The following IL1RAPL2 variants were observed in gnomAD, a reference collection of about 807,000 sequenced individuals.
The protein encoded by IL1RAPL2 is interleukin 1 receptor accessory protein like 2, also known as X-linked interleukin-1 receptor accessory protein-like 2.
In IL1RAPL2, 3 loss-of-function variants were observed where a neutral mutation model predicts 44.1. The ratio of observed to expected loss-of-function variants is 0.07; its 90% confidence interval spans 0.03 to 0.18. IL1RAPL2 has a LOEUF of 0.18. IL1RAPL2 is among the 10% of genes least tolerant of loss of function. The probability of loss-of-function intolerance (pLI) is 1.00; values close to 1 mark genes in which losing one functional copy is unlikely to be tolerated. For missense variants in IL1RAPL2, 391 were observed against 496.4 expected, an observed-to-expected ratio of 0.79 and a Z score of 2.02; for synonymous variants, 181 against 178.8, an observed-to-expected ratio of 1.01 and a Z score of -0.10.
chrX:104,980,686 G>T (rs2030419833), intron 2 of IL1RAPL2, among the ~76,000 whole-genome samples: 1 of 112,200 alleles, frequency 8.9e-6, no homozygotes, highest in African/African-American at 3.2e-5. Context: ...TTTTGTACCA[G>T]TAACATGCTG....
At chrX:105,280,594 C>T (rs1357245323) in intron 5 of IL1RAPL2, among the ~76,000 whole-genome samples, 1 of 109,485 alleles carries the variant, frequency 9.1e-6, no homozygotes, top group Non-Finnish European at 1.9e-5. Flanking sequence ...AAAAAAAAAA[C>T]GCATCAAAAA....
chrX:104,932,832 C>T (rs5963003), intron 2 of IL1RAPL2, among the ~76,000 whole-genome samples: 6,303 of 111,752 alleles, frequency 0.056, 443 homozygotes, highest in African/African-American at 0.2. Context: ...CTTAACATAC[C>T]GATGTTAGTA....
chrX:104,755,392 C>CA (rs1164761286), intron 2 of IL1RAPL2, among the ~76,000 whole-genome samples: 37 of 107,753 alleles, frequency 3.4e-4, no homozygotes, highest in African/African-American at 8.4e-4. Flanking sequence ...ATCATAAAAA[C>CA]AAAAAAAAAT....
intron 2 of IL1RAPL2, among the ~76,000 whole-genome samples, chrX:104,905,601 A>G (rs1923965453): frequency 9.0e-6 from 1 of 111,705 alleles, no homozygotes; most frequent in Admixed American, 9.5e-5. Context: ...TTTGTCAAAG[A>G]TCAGATAGTT....
chrX:105,526,767 AC>A (rs1345709286), intron 6 of IL1RAPL2, among the ~76,000 whole-genome samples: 135 of 111,804 alleles, frequency 1.2e-3, no homozygotes, highest in African/African-American at 4.3e-3. Flanking sequence ...GTGCGATTAG[AC>A]ATCTTGGCTG....
In IL1RAPL2 at chrX:105,428,753, T is replaced by G. The variant is rs182927854; in HGVS notation, c.698-55560T>G. Among the ~76,000 whole-genome samples the G allele has an allele frequency of 7.2e-5, 8 of 111,801 alleles. No homozygotes were observed. The Admixed American group carries it at 7.6e-4, about 11-fold the overall frequency. ...TATAATGTCCCTCCTATAGAACTAATCATTCATGCTGCTTAGCCCTCATTT... is the reference window on the plus strand; with the variant it reads ...TATAATGTCCCTCCTATAGAACTAAGCATTCATGCTGCTTAGCCCTCATTT... On this transcript the variant is annotated intron_variant, in intron 5 of 10. Transcript: ENST00000372582.
At chrX:104,754,726 G>T (rs1160285537) in intron 2 of IL1RAPL2, among the ~76,000 whole-genome samples, 1 of 111,990 alleles carries the variant, frequency 8.9e-6, no homozygotes, top group African/African-American at 3.2e-5. Flanking sequence ...AAACAGTTTA[G>T]CACTTATAAT....
At chrX:105,267,336 T>C (rs1432627432) in intron 4 of IL1RAPL2, 52 bp from the exon 5 acceptor site, 2 of 1,063,216 alleles carry the variant, frequency 1.9e-6, no homozygotes, top group Non-Finnish European at 2.6e-6. Flanking sequence ...GGTACTGAGA[T>C]GTAGTCTGTG....
chrX:105,443,668 C>T (rs181974265), intron 5 of IL1RAPL2, among the ~76,000 whole-genome samples: 1 of 112,115 alleles, frequency 8.9e-6, no homozygotes, highest in East Asian at 2.8e-4. Flanking sequence ...CATGTTTTTG[C>T]GAATGACAGT....
At chrX:105,012,652 C>CAG (rs1228166848) in intron 2 of IL1RAPL2, among the ~76,000 whole-genome samples, 19 of 72,081 alleles carry the variant, frequency 2.6e-4, no homozygotes, top group Middle Eastern at 6.0e-3. Context: ...CTCTCACACA[C>CAG]ACACACACAC....
intron 6 of IL1RAPL2, among the ~76,000 whole-genome samples, chrX:105,670,529 G>A (rs2037814894): frequency 9.4e-6 from 1 of 106,579 alleles, no homozygotes. Flanking sequence ...TCGATCTCCT[G>A]ATCTCGTGAT....
At chrX:104,917,001 G>T (rs780279514) in intron 2 of IL1RAPL2, among the ~76,000 whole-genome samples, 1 of 111,876 alleles carries the variant, frequency 8.9e-6, no homozygotes, top group East Asian at 2.8e-4. Context: ...TTGCATTGAT[G>T]TTCATCAAAG....
At chrX:105,350,485 A>T (rs992563096) in intron 5 of IL1RAPL2, among the ~76,000 whole-genome samples, 2 of 112,342 alleles carry the variant, frequency 1.8e-5, no homozygotes, top group African/African-American at 6.5e-5. Flanking sequence ...GCACTTTGGG[A>T]GGTCGAGGCG....
intron 6 of IL1RAPL2, among the ~76,000 whole-genome samples, chrX:105,520,475 C>T (rs1056721319): frequency 1.8e-5 from 2 of 111,945 alleles, no homozygotes; most frequent in African/African-American, 6.5e-5. Context: ...CTGTCAGCTG[C>T]ATAAGAAAAC....
intron 2 of IL1RAPL2, among the ~76,000 whole-genome samples, chrX:104,830,829 A>T (rs1921585509): frequency 8.9e-6 from 1 of 112,393 alleles, no homozygotes; most frequent in African/African-American, 3.2e-5. Context: ...ACAGTGTCAC[A>T]TGGCAATTAA....
intron 6 of IL1RAPL2, among the ~76,000 whole-genome samples, chrX:105,517,524 A>C (rs961478716): frequency 9.0e-6 from 1 of 111,044 alleles, no homozygotes; most frequent in Non-Finnish European, 1.9e-5. Flanking sequence ...ATCATTTCAC[A>C]CCAATGTGTC....
At chrX:104,761,596 T>A (rs1364812536) in intron 2 of IL1RAPL2, among the ~76,000 whole-genome samples, 1 of 111,186 alleles carries the variant, frequency 9.0e-6, no homozygotes, top group Admixed American at 9.4e-5. Flanking sequence ...AACCCAAAAG[T>A]CCATGTCCAA....
intron 2 of IL1RAPL2, among the ~76,000 whole-genome samples, chrX:104,818,171 C>A (rs1463665639): frequency 9.3e-6 from 1 of 107,895 alleles, no homozygotes; most frequent in Non-Finnish European, 1.9e-5. Flanking sequence ...GGTGAAACCC[C>A]GTCTCTACTA....
chrX:105,366,932 G>A (rs1384162404), intron 5 of IL1RAPL2, among the ~76,000 whole-genome samples: 1 of 110,889 alleles, frequency 9.0e-6, no homozygotes, highest in East Asian at 2.8e-4. Flanking sequence ...TTGAAACTGG[G>A]GTGCTTAAGT....
Sources: allele counts gnomAD v4.1 joint callset (sites outside exome capture counted in the v4.1 genomes callset), GRCh38; gene constraint gnomAD v4.1.1; transcripts MANE v1.5; gene names NCBI Gene and HGNC (gene_info 2026-07-23, HGNC 2026-07-21).